The following GOLGA8A variants were observed in gnomAD, a reference collection of about 807,000 sequenced individuals.
GOLGA8A encodes golgin subfamily A member 8A.
In GOLGA8A, 3 loss-of-function variants were observed where a neutral mutation model predicts 22.1. That is an observed-to-expected ratio of 0.14 (90% confidence interval 0.06 to 0.35). GOLGA8A has a LOEUF of 0.35. GOLGA8A is among the 10% of genes least tolerant of loss of function. GOLGA8A has a pLI of 1.00. For missense variants in GOLGA8A, 16 were observed against 233.2 expected (o/e 0.07, Z 6.07); for synonymous variants, 7 against 91.7 (o/e 0.08, Z 5.28).
In GOLGA8A at chr15:34,411,421, AATGTGTGT is replaced by A. The variant is rs1194353264; in HGVS notation, c.-1122-3694_-1122-3687del. On this transcript the variant is annotated intron_variant, in intron 2 of 24. Transcript: ENST00000359187. ...TATTTTTTTCTGAGAAGAATTCATGAATGTGTGTGTGTGTGTGTGTGTGTGTGTGTGTG... is the reference window on the plus strand; with the variant it reads ...TATTTTTTTCTGAGAAGAATTCATGAGTGTGTGTGTGTGTGTGTGTGTGTG... Among the ~76,000 whole-genome samples, 4 of 39,112 alleles carry A rather than the reference AATGTGTGT, an allele frequency of 1.0e-4. 1 individual carries two copies. Among genetic ancestry groups the A allele is most frequent in the Admixed American group, 8.9e-4 (4 of 4,490 alleles). 25.7% of individuals were successfully genotyped at this position (39,112 alleles called of 152,430 possible). A position where few individuals can be genotyped will look rare whatever the true frequency, so the allele number is the denominator to read the frequency against.
At chr15:34,436,797 G>T (rs1169290921) in intron 1 of GOLGA8A, among the ~76,000 whole-genome samples, 1 of 149,872 alleles carries the variant, frequency 6.7e-6, no homozygotes, top group Non-Finnish European at 1.5e-5. Context: ...CTGCAGAGGC[G>T]CAGGTCCGCA....
intron 2 of GOLGA8A, among the ~76,000 whole-genome samples, chr15:34,429,375 A>G (rs1893127760): frequency 6.9e-6 from 1 of 145,828 alleles, no homozygotes; most frequent in African/African-American, 2.5e-5. Flanking sequence ...TACACAAACT[A>G]CATAATCCTG....
chr15:34,424,016 C>T (rs1892885032), intron 2 of GOLGA8A, among the ~76,000 whole-genome samples: 1 of 147,740 alleles, frequency 6.8e-6, no homozygotes, highest in Non-Finnish European at 1.5e-5. Context: ...CTGAGGAGAC[C>T]CTCTGAGCCC....
At chr15:34,435,659 C>T (rs1263913032) in intron 1 of GOLGA8A, among the ~76,000 whole-genome samples, 188 bp from the exon 2 acceptor site, 1 of 148,828 alleles carries the variant, frequency 6.7e-6, no homozygotes, top group African/African-American at 2.5e-5. Context: ...CACTCACACC[C>T]CGTGGGACTC....
chr15:34,428,342 T>C (rs1260178495), intron 2 of GOLGA8A, among the ~76,000 whole-genome samples: 2 of 148,076 alleles, frequency 1.4e-5, no homozygotes, highest in African/African-American at 5.0e-5. Flanking sequence ...CGATCCTCCC[T>C]CCTCAGCCTC....
rs899318278 is a variant in GOLGA8A at position 34,380,281 on chromosome 15, G to A, written c.*1130C>T. 1 of 152,164 alleles carries A rather than the reference G, an allele frequency of 6.6e-6. No individual in the cohort carries two copies. Among genetic ancestry groups the A allele is most frequent in the African/African-American group, 2.4e-5 (1 of 41,446 alleles). The allele number at this position is 152,164 out of a possible 1,614,324, so 9.4% of individuals were successfully genotyped here. On this transcript the variant is annotated 3_prime_UTR_variant, in exon 25 of 25. Transcript: ENST00000359187. ...AAATCAAACTTCAAGCCTCAAAGAA[G>A]CTCCATGAACAGAGAGGAATGCCAG...
chr15:34,429,711 C>A (rs168390), intron 2 of GOLGA8A, among the ~76,000 whole-genome samples: 78,962 of 144,450 alleles, frequency 0.55, 26,380 homozygotes, highest in Non-Finnish European at 0.67. Flanking sequence ...TCAGAAAATA[C>A]CTACTGAGTA....
At chr15:34,422,641 C>T (rs572329833) in intron 2 of GOLGA8A, among the ~76,000 whole-genome samples, 2 of 72,472 alleles carry the variant, frequency 2.8e-5, no homozygotes, top group African/African-American at 6.9e-5. Context: ...GCCCCAGAGT[C>T]AGAAGGGGGT....
chr15:34,431,320 T>TATATATATATATATAC (rs1893233700), intron 2 of GOLGA8A, among the ~76,000 whole-genome samples: 1 of 15,332 alleles, frequency 6.5e-5, no homozygotes, highest in African/African-American at 1.3e-4. Context: ...TACATATATA[T>TATATATATATATATAC]ATATATATAT....
chr15:34,429,051 C>T (rs1368409530), intron 2 of GOLGA8A: 1 of 147,316 alleles, frequency 6.8e-6, no homozygotes, highest in Non-Finnish European at 1.5e-5. Flanking sequence ...AGACACCTGC[C>T]CCCGCCACCC....
chr15:34,428,714 G>A (rs1414002662), intron 2 of GOLGA8A: 1 of 147,552 alleles, frequency 6.8e-6, no homozygotes, highest in Non-Finnish European at 1.5e-5. Flanking sequence ...CCTGAAAGGG[G>A]AAGAGGGCCC....
At chr15:34,423,804 T>G (rs1054408012) in intron 2 of GOLGA8A, among the ~76,000 whole-genome samples, 1 of 149,280 alleles carries the variant, frequency 6.7e-6, no homozygotes, top group Non-Finnish European at 1.5e-5. Flanking sequence ...GAGTCACACA[T>G]GCTGGCCCCA....
intron 2 of GOLGA8A, among the ~76,000 whole-genome samples, chr15:34,429,261 T>C (rs1017616794): frequency 1.4e-5 from 2 of 146,970 alleles, no homozygotes; most frequent in Non-Finnish European, 1.5e-5. Flanking sequence ...TGTGTTGTTA[T>C]TGGCCCACCT....
chr15:34,400,803 A>G (rs1415298750), intron 5 of GOLGA8A, 44 bp from the exon 6 acceptor site: 2 of 144,782 alleles, frequency 1.4e-5, no homozygotes, highest in African/African-American at 4.9e-5. Context: ...TTAGGGTCAT[A>G]TCAAGAAAGT....
At chr15:34,435,361 G>C (rs59026480) in intron 2 of GOLGA8A, 22 bp downstream of exon 2, 23,135 of 149,332 alleles carry the variant, frequency 0.15, 3,671 homozygotes, top group African/African-American at 0.27. Context: ...CCAGGGGTGT[G>C]ATCAGTGTCT....
At chr15:34,427,450 G>C (rs775245767) in intron 2 of GOLGA8A, among the ~76,000 whole-genome samples, 3 of 148,692 alleles carry the variant, frequency 2.0e-5, no homozygotes, top group African/African-American at 7.5e-5. Flanking sequence ...GTGGGGATTT[G>C]ATGTAGATGG....
Position 34,419,964 on chromosome 15 carries a change from A to C in GOLGA8A, c.-1122-12229T>G, listed in dbSNP as rs79073150. On this transcript the variant is annotated intron_variant, in intron 2 of 24. Transcript: ENST00000359187. ...CTGCCAGGGGCTGGGGGAGGCGGAA[A>C]GGGGAGTTAGCGGACACAGAGTTTC... 8 of 142,482 alleles carry C rather than the reference A, an allele frequency of 5.6e-5. 1 individual carries two copies. Among genetic ancestry groups the C allele is most frequent in the Admixed American group, 2.1e-4 (3 of 14,160 alleles). The allele number at this position is 142,482 out of a possible 1,614,324, so 8.8% of individuals were successfully genotyped here.
At chr15:34,434,937 C>A (rs2140298428) in intron 2 of GOLGA8A, among the ~76,000 whole-genome samples, 1 of 149,704 alleles carries the variant, frequency 6.7e-6, no homozygotes, top group South Asian at 2.1e-4. Context: ...TCTCTAAGGA[C>A]CAGGCTGCAA....
At chr15:34,431,062 G>A (rs1182985015) in intron 2 of GOLGA8A, among the ~76,000 whole-genome samples, 1 of 148,574 alleles carries the variant, frequency 6.7e-6, no homozygotes. Context: ...AGAGACCTGA[G>A]AAATCCATCA....
Sources: gnomAD v4.1 joint callset for allele counts (sites outside exome capture counted in the v4.1 genomes callset) on GRCh38, gnomAD v4.1.1 for gene constraint, MANE v1.5 for transcripts, NCBI Gene and HGNC (gene_info 2026-07-23, HGNC 2026-07-21) for gene names.